MAP2K5: variants seen among roughly 807,000 people sequenced by gnomAD.
The protein encoded by MAP2K5 is dual specificity mitogen-activated protein kinase kinase 5.
Under a neutral mutation model 83.1 loss-of-function variants are expected in MAP2K5, and 49 were observed. The ratio of observed to expected loss-of-function variants is 0.59; its 90% confidence interval spans 0.47 to 0.75. MAP2K5 has a LOEUF of 0.75. Among genes scored for constraint, MAP2K5 ranks in the 30% least tolerant of loss-of-function variants. The pLI is 0.00. For missense variants in MAP2K5, 457 were observed against 557.5 expected (o/e 0.82, Z 1.82); for synonymous variants, 202 against 191.8 (o/e 1.05, Z -0.44).
chr15:67,565,414 G>C lies in MAP2K5; in HGVS notation c.252+2064G>C, dbSNP rs2084817084. ...CTGGCTAATTTTTGTATTTTTAGTA[G>C]AGACGGGGTTTCATCATGTTGGCCA... On this transcript the variant is annotated intron_variant, in intron 3 of 21. Transcript: ENST00000178640. This position sits in a 1 kb window ranked among gnomAD's most constrained non-coding sequence, Gnocchi z 4.1. Among the ~76,000 whole-genome samples the C allele has an allele frequency of 6.6e-6, 1 of 152,032 alleles. No homozygotes were observed. The highest frequency in any genetic ancestry group is 1.5e-5 in the Non-Finnish European group (1 of 68,020).
At position 67,769,016 on chromosome 15, in the gene MAP2K5, T is replaced by C. The variant is rs991316037; in HGVS notation, c.1135-586T>C. Among the ~76,000 whole-genome samples the C allele has an allele frequency of 7.9e-5, 12 of 152,292 alleles. No individual in the cohort carries two copies. Among genetic ancestry groups the C allele is most frequent in the African/African-American group, 2.9e-4 (12 of 41,572 alleles). On this transcript the variant is annotated intron_variant, in intron 19 of 21. Transcript: ENST00000178640. This position sits in a 1 kb window ranked among gnomAD's most constrained non-coding sequence, Gnocchi z 5.2. ...TTCATTGTATCCTTAATTCACTGGC[T>C]TTCTCATATGAGGAGTCTGCCTAGA...
intron 21 of MAP2K5, among the ~76,000 whole-genome samples, chr15:67,787,279 G>A (rs1005588092): frequency 2.0e-5 from 3 of 152,238 alleles, no homozygotes; most frequent in East Asian, 1.9e-4. Context: ...ATGGGAAACC[G>A]AGTTCAGCGC....
rs1344939772 is a variant in MAP2K5, at chr15:67,606,803, A to C, written c.545+6054A>C. Among the ~76,000 whole-genome samples, 3 of 152,228 alleles carry C rather than the reference A, an allele frequency of 2.0e-5. No homozygotes were observed. The South Asian group carries it at 6.2e-4, about 32-fold the overall frequency. On this transcript the variant is annotated intron_variant, in intron 8 of 21. Coordinates refer to ENST00000178640, the MANE Select transcript of MAP2K5 (RefSeq NM_145160.3). ...TTGTATAAAATGAGAAAATACATAA[A>C]TTGTCTAGTTAAATGCTATTTAGTA...
At chr15:67,575,514 G>A (rs1252856168) in intron 3 of MAP2K5, among the ~76,000 whole-genome samples, 3 of 152,176 alleles carry the variant, frequency 2.0e-5, no homozygotes, top group Non-Finnish European at 4.4e-5. Flanking sequence ...CAGGGTGTGA[G>A]CGAAGCCACA....
At chr15:67,683,808 C>T (rs761930351) in intron 13 of MAP2K5, among the ~76,000 whole-genome samples, 5 of 152,068 alleles carry the variant, frequency 3.3e-5, no homozygotes, top group Non-Finnish European at 5.9e-5. Flanking sequence ...TACTTCTGCC[C>T]ATGGAGTCAC....
intron 6 of MAP2K5, among the ~76,000 whole-genome samples, 170 bp from the exon 7 acceptor site, chr15:67,592,756 C>T (rs2085441122): frequency 6.6e-6 from 1 of 152,064 alleles, no homozygotes; most frequent in African/African-American, 2.4e-5. Flanking sequence ...TTATTTGATA[C>T]CTTTTGCATT....
At chr15:67,664,201 G>A (rs2087311057) in intron 12 of MAP2K5, among the ~76,000 whole-genome samples, 1 of 151,658 alleles carries the variant, frequency 6.6e-6, no homozygotes, top group South Asian at 2.1e-4. Flanking sequence ...AGAGTTTTAA[G>A]GGAAGAGTTA....
intron 16 of MAP2K5, among the ~76,000 whole-genome samples, chr15:67,709,083 C>A (rs1011834570): frequency 2.6e-5 from 4 of 152,120 alleles, no homozygotes; most frequent in Non-Finnish European, 5.9e-5. Context: ...AAGAATTTGG[C>A]CTGTTTCTCC....
In MAP2K5 at chr15:67,611,794, G is replaced by A. The variant is rs141465920; in HGVS notation, c.545+11045G>A. 2.3e-3 allele frequency among the ~76,000 whole-genome samples: 352 copies of A among 152,270 alleles called. 2 individuals are homozygous for A. The highest frequency in any genetic ancestry group is 8.2e-3 in the African/African-American group (341 of 41,542). ...AAATAATTACATTTTGGCTCTAAGA[G>A]GAGCTAGAATAAACAGAATATATGC... is the stretch of plus-strand genomic sequence containing the variant. On this transcript the variant is annotated intron_variant, in intron 8 of 21. Transcript: ENST00000178640.
chr15:67,619,346 C>T (rs777809999), intron 8 of MAP2K5, among the ~76,000 whole-genome samples: 46 of 152,136 alleles, frequency 3.0e-4, no homozygotes, highest in Non-Finnish European at 1.5e-4. Context: ...TGATTATTGT[C>T]AGTCAGCCCC....
At chr15:67,660,667 A>G (rs978681515) in intron 12 of MAP2K5, among the ~76,000 whole-genome samples, 6 of 152,164 alleles carry the variant, frequency 3.9e-5, no homozygotes, top group African/African-American at 1.4e-4. Context: ...CATGCTTTCT[A>G]TACAAATATT....
At chr15:67,581,643 A>G (rs1021933146) in intron 4 of MAP2K5, among the ~76,000 whole-genome samples, 6 of 152,238 alleles carry the variant, frequency 3.9e-5, no homozygotes, top group African/African-American at 1.2e-4. Flanking sequence ...TACCTTCGTT[A>G]ACTGATACTG....
chr15:67,564,607 T>C (rs1184526580), intron 3 of MAP2K5, among the ~76,000 whole-genome samples: 2 of 152,216 alleles, frequency 1.3e-5, no homozygotes, highest in South Asian at 2.1e-4. Context: ...CAATTTCCCA[T>C]TGACTTCGCA....
chr15:67,799,940 G>A (rs536009416), intron 21 of MAP2K5, among the ~76,000 whole-genome samples: 13 of 152,188 alleles, frequency 8.5e-5, no homozygotes, highest in African/African-American at 2.4e-4. Flanking sequence ...CACGCAGAGT[G>A]GGGGGCGGTG....
intron 8 of MAP2K5, among the ~76,000 whole-genome samples, chr15:67,609,706 TAGA>T (rs1474331670): frequency 1.5e-4 from 23 of 149,126 alleles, no homozygotes; most frequent in African/African-American, 3.2e-4. Context: ...TATAGGTCTA[TAGA>T]ATAGACTTTG....
At position 67,781,687 on chromosome 15, in the gene MAP2K5, A is replaced by G. The variant is rs932879701; in HGVS notation, c.1242+8935A>G. Among the ~76,000 whole-genome samples, 3 of 152,184 alleles carry G rather than the reference A, an allele frequency of 2.0e-5. No individual in the cohort carries two copies. The highest frequency in any genetic ancestry group is 2.9e-5 in the Non-Finnish European group (2 of 68,030). Reference sequence around the variant, plus strand: ...GTAGGAGAATAGGTACCATTCATTTATTTGTGCAAAAGTTCCCTTGACACA... The same window carrying G: ...GTAGGAGAATAGGTACCATTCATTTGTTTGTGCAAAAGTTCCCTTGACACA... On this transcript the variant is annotated intron_variant, in intron 21 of 21. Coordinates refer to ENST00000178640, the MANE Select transcript of MAP2K5 (RefSeq NM_145160.3). The surrounding 1 kb of genome is among the most constrained non-coding windows in gnomAD (Gnocchi z 4.0).
rs2090197521 is a variant in MAP2K5, at chr15:67,774,208, A to AG, written c.1242+1456_1242+1457insG. On this transcript the variant is annotated intron_variant, in intron 21 of 21. Coordinates refer to ENST00000178640, the MANE Select transcript of MAP2K5 (RefSeq NM_145160.3). This position sits in a 1 kb window ranked among gnomAD's most constrained non-coding sequence, Gnocchi z 4.9. ...GTGTGTGTGTGTGTGTGTGTGAGAG[A>AG]ACATAGGTATTTAGATATATCTCTT... Among the ~76,000 whole-genome samples, 1 of 147,022 alleles carries AG rather than the reference A, an allele frequency of 6.8e-6. No individual in the cohort carries two copies. Among genetic ancestry groups the AG allele is most frequent in the Non-Finnish European group, 1.5e-5 (1 of 66,280 alleles).
At chr15:67,701,862 G>C (rs1003291277) in intron 15 of MAP2K5, among the ~76,000 whole-genome samples, 1 of 152,084 alleles carries the variant, frequency 6.6e-6, no homozygotes, top group Non-Finnish European at 1.5e-5. Flanking sequence ...TCTAGTTGTG[G>C]GGTCAGTTTG....
chr15:67,687,852 T>C (rs1016258839), intron 13 of MAP2K5, among the ~76,000 whole-genome samples: 3 of 151,754 alleles, frequency 2.0e-5, no homozygotes, highest in Non-Finnish European at 2.9e-5. Context: ...ACAGACCAAG[T>C]ATGCATTCAT....
Sources: gnomAD v4.1 joint callset for allele counts (sites outside exome capture counted in the v4.1 genomes callset) on GRCh38, gnomAD v4.1.1 for gene constraint, Gnocchi (gnomAD v3.1) non-coding constraint, MANE v1.5 for transcripts, NCBI Gene and HGNC (gene_info 2026-07-23, HGNC 2026-07-21) for gene names.